CSMD1: variants seen among roughly 807,000 people sequenced by gnomAD.
CSMD1 encodes CUB and sushi domain-containing protein 1.
Under a neutral mutation model 417.5 loss-of-function variants are expected in CSMD1, and 213 were observed. The observed-to-expected ratio is 0.51, with a 90% confidence interval of 0.46 to 0.57. The LOEUF is 0.57. CSMD1 is among the 20% of genes least tolerant of loss of function. CSMD1 has a pLI of 0.00. For missense variants in CSMD1, 6,923 were observed against 4,529.7 expected (o/e 1.53, Z -15.17); for synonymous variants, 2,862 against 1,736.8 (o/e 1.65, Z -16.11).
intron 1 of CSMD1, among the ~76,000 whole-genome samples, chr8:4,814,198 G>C (rs550199116): frequency 6.8e-6 from 1 of 147,046 alleles, no homozygotes. Context: ...GAATGATTTT[G>C]TGTGTGTGTG....
At chr8:3,503,603 A>G (rs548869012) in intron 10 of CSMD1, among the ~76,000 whole-genome samples, 185 of 152,300 alleles carry the variant, frequency 1.2e-3, no homozygotes, top group African/African-American at 4.4e-3. Flanking sequence ...CCCTTTTGTC[A>G]GCTTTAAATG....
At chr8:4,467,264 T>C (rs56318504) in intron 2 of CSMD1, among the ~76,000 whole-genome samples, 3,740 of 152,242 alleles carry the variant, frequency 0.025, 137 homozygotes, top group African/African-American at 0.087. Context: ...TCTACTTCAA[T>C]TCGTGTTCAA....
At chr8:3,768,142 G>T (rs1584967096) in intron 5 of CSMD1, among the ~76,000 whole-genome samples, 1 of 150,714 alleles carries the variant, frequency 6.6e-6, no homozygotes, top group Non-Finnish European at 1.5e-5. Context: ...CAGAGAGGGG[G>T]TGGACAGTAA....
chr8:4,601,626 T>A (rs951592862), intron 2 of CSMD1, among the ~76,000 whole-genome samples: 5 of 152,186 alleles, frequency 3.3e-5, no homozygotes, highest in Admixed American at 1.3e-4. Flanking sequence ...CATTTACAGA[T>A]TACAAAGTAT....
At position 3,743,851 on chromosome 8, in the gene CSMD1, A is replaced by G. The variant is rs1427303120; in HGVS notation, c.931+10079T>C. Reference sequence around the variant, plus strand: ...GCATATCTGCTTCCTCCTCTAACCAATTTCGTCTATGTTATCGTATGTAAA... The same window carrying G: ...GCATATCTGCTTCCTCCTCTAACCAGTTTCGTCTATGTTATCGTATGTAAA... On this transcript the variant is annotated intron_variant, in intron 6 of 69. Coordinates refer to ENST00000635120, the MANE Select transcript of CSMD1 (RefSeq NM_033225.6). Among the ~76,000 whole-genome samples the G allele has an allele frequency of 3.3e-5, 5 of 152,006 alleles. No individual in the cohort carries two copies. In the East Asian group the frequency reaches 7.8e-4, roughly 24 times the overall value.
At chr8:3,295,607 A>G (rs6558758) in intron 25 of CSMD1, among the ~76,000 whole-genome samples, 5,066 of 152,284 alleles carry the variant, frequency 0.033, 214 homozygotes, top group African/African-American at 0.091. Context: ...TACTGATGCA[A>G]GGATCTTTCT....
chr8:4,282,977 T>C (rs1189434523), intron 3 of CSMD1, among the ~76,000 whole-genome samples: 2 of 152,182 alleles, frequency 1.3e-5, no homozygotes, highest in South Asian at 2.1e-4. Flanking sequence ...ATTCTTACTA[T>C]TTCTACTGCA....
intron 1 of CSMD1, among the ~76,000 whole-genome samples, chr8:4,699,458 A>C (rs186933781): frequency 1.3e-5 from 2 of 152,176 alleles, no homozygotes; most frequent in Non-Finnish European, 2.9e-5. Context: ...CATATTCTAT[A>C]AAGTTTTCCC....
chr8:4,184,845 C>T (rs896158708), intron 3 of CSMD1, among the ~76,000 whole-genome samples: 1 of 151,828 alleles, frequency 6.6e-6, no homozygotes, highest in Non-Finnish European at 1.5e-5. Flanking sequence ...TTTAAAATAC[C>T]CCAACACTTT....
At chr8:3,722,237 G>C (rs913264129) in intron 6 of CSMD1, among the ~76,000 whole-genome samples, 1 of 152,008 alleles carries the variant, frequency 6.6e-6, no homozygotes, top group African/African-American at 2.4e-5. Context: ...TGACCAGGGA[G>C]GCAGAGATTG....
chr8:4,451,562 T>C lies in CSMD1; in HGVS notation c.303-31497A>G, dbSNP rs118036044. Among the ~76,000 whole-genome samples the C allele has an allele frequency of 7.6e-3, 1,159 of 152,212 alleles. 7 individuals are homozygous for C. Among genetic ancestry groups the C allele is most frequent in the Middle Eastern group, 0.01 (3 of 294 alleles). ...CTCTGGAAAGGTAAAGGGTGAGCGA[T>C]AGAGTGAAGACAAAGAAAGCCTTAA... On this transcript the variant is annotated intron_variant, in intron 2 of 69. Coordinates refer to ENST00000635120, the MANE Select transcript of CSMD1 (RefSeq NM_033225.6).
chr8:4,572,991 A>G (rs1798959693), intron 2 of CSMD1, among the ~76,000 whole-genome samples: 1 of 152,062 alleles, frequency 6.6e-6, no homozygotes, highest in African/African-American at 2.4e-5. Context: ...TCTTCTCTAA[A>G]CTAGTTATTC....
At chr8:4,877,232 C>G (rs1311969249) in intron 1 of CSMD1, among the ~76,000 whole-genome samples, 2 of 151,914 alleles carry the variant, frequency 1.3e-5, no homozygotes, top group East Asian at 1.9e-4. Flanking sequence ...GAGCATAAAT[C>G]TAAACAGATG....
chr8:4,797,195 C>G (rs1288059244), intron 1 of CSMD1, among the ~76,000 whole-genome samples: 1 of 152,138 alleles, frequency 6.6e-6, no homozygotes, highest in Admixed American at 6.5e-5. Context: ...CTGACTGAAG[C>G]CCACACAGTA....
At chr8:4,405,741 C>G (rs921174771) in intron 3 of CSMD1, among the ~76,000 whole-genome samples, 2 of 152,156 alleles carry the variant, frequency 1.3e-5, no homozygotes, top group Admixed American at 6.5e-5. Flanking sequence ...AGTTAGTGCA[C>G]CACCAGACAC....
rs73659207 is a variant in CSMD1, at chr8:4,842,151, T to G, written c.85+152181A>C. On this transcript the variant is annotated intron_variant, in intron 1 of 69. Transcript: ENST00000635120. ...AGCCAAACCGCCTTAGAACTTGCAGTATTATTGAAAACATAAGCCAGACAC... is the reference window on the plus strand; with the variant it reads ...AGCCAAACCGCCTTAGAACTTGCAGGATTATTGAAAACATAAGCCAGACAC... 3.0e-3 allele frequency among the ~76,000 whole-genome samples: 459 copies of G among 152,284 alleles called. 1 individual carries two copies. Among genetic ancestry groups the G allele is most frequent in the African/African-American group, 0.011 (448 of 41,554 alleles).
In CSMD1 at chr8:4,221,038, C is replaced by G. The variant is rs927591349; in HGVS notation, c.416-188939G>C. Among the ~76,000 whole-genome samples, 3 of 152,242 alleles carry G rather than the reference C, an allele frequency of 2.0e-5. No individual in the cohort carries two copies. In the East Asian group the frequency reaches 5.8e-4, roughly 29 times the overall value. On this transcript the variant is annotated intron_variant, in intron 3 of 69. Transcript: ENST00000635120. Reference sequence around the variant, plus strand: ...CAGGAGGAGGCCAGTGATTGTCCAGCTTTTCCCATGAGCGAAAAACCCAAA... The same window carrying G: ...CAGGAGGAGGCCAGTGATTGTCCAGGTTTTCCCATGAGCGAAAAACCCAAA...
intron 3 of CSMD1, among the ~76,000 whole-genome samples, chr8:4,333,304 T>C (rs1159526192): frequency 6.6e-6 from 1 of 152,126 alleles, no homozygotes; most frequent in African/African-American, 2.4e-5. Context: ...GCGTCTCAGA[T>C]GCTGTTGAAC....
At chr8:3,733,979 G>T (rs1002439377) in intron 6 of CSMD1, among the ~76,000 whole-genome samples, 2 of 152,242 alleles carry the variant, frequency 1.3e-5, no homozygotes, top group Admixed American at 1.3e-4. Flanking sequence ...AAGGATAAGG[G>T]GGGGATGTCT....
Sources: allele counts gnomAD v4.1 joint callset (sites outside exome capture counted in the v4.1 genomes callset), GRCh38; gene constraint gnomAD v4.1.1; transcripts MANE v1.5; gene names NCBI Gene and HGNC (gene_info 2026-07-23, HGNC 2026-07-21).